CSMD1: variants seen among roughly 807,000 people sequenced by gnomAD.
CSMD1 encodes the protein CUB and Sushi multiple domains 1, also known as CUB and sushi domain-containing protein 1.
CSMD1 carries 213 observed loss-of-function variants against 417.5 expected under a neutral mutation model. That is an observed-to-expected ratio of 0.51 (90% confidence interval 0.46 to 0.57). CSMD1 has a LOEUF of 0.57. Ranked by LOEUF, CSMD1 falls within the 20% of genes least tolerant of loss-of-function variation. The probability of loss-of-function intolerance (pLI) is 0.00; values close to 1 mark genes in which losing one functional copy is unlikely to be tolerated. For missense variants in CSMD1, 6,923 were observed against 4,529.7 expected (o/e 1.53, Z -15.17); for synonymous variants, 2,862 against 1,736.8 (o/e 1.65, Z -16.11).
intron 12 of CSMD1, among the ~76,000 whole-genome samples, chr8:3,430,677 G>T (rs1875072): frequency 0.11 from 16,972 of 152,094 alleles, 1,086 homozygotes; most frequent in African/African-American, 0.16. Flanking sequence ...TGTGATGGCA[G>T]GTGCCTGTAA....
At chr8:2,999,854 C>T (rs77441949) in intron 53 of CSMD1, 104 bp downstream of exon 53, 21,465 of 990,678 alleles carry the variant, frequency 0.022, 254 homozygotes, top group Middle Eastern at 0.037. Flanking sequence ...TTTGCTGTTC[C>T]CTTTTACAGT....
intron 1 of CSMD1, among the ~76,000 whole-genome samples, chr8:4,955,257 C>G (rs146170822): frequency 7.5e-4 from 114 of 152,236 alleles, no homozygotes; most frequent in African/African-American, 2.6e-3. Flanking sequence ...GAAACACAGT[C>G]ATCCTTAAAA....
chr8:4,528,867 G>A (rs1205545043), intron 2 of CSMD1, among the ~76,000 whole-genome samples: 1 of 152,016 alleles, frequency 6.6e-6, no homozygotes, highest in East Asian at 1.9e-4. Context: ...AAAAGGTATA[G>A]TACTAAAAAT....
intron 12 of CSMD1, among the ~76,000 whole-genome samples, chr8:3,428,341 A>C (rs1039595486): frequency 1.3e-5 from 2 of 152,222 alleles, no homozygotes; most frequent in Non-Finnish European, 2.9e-5. Flanking sequence ...CAAGAGAAGC[A>C]TAACTCTTGC....
chr8:3,638,408 G>T (rs180810539), intron 7 of CSMD1, among the ~76,000 whole-genome samples: 1 of 151,876 alleles, frequency 6.6e-6, no homozygotes, highest in South Asian at 2.1e-4. Context: ...CTGAGAGAAA[G>T]GTCCTAGTTT....
At chr8:3,552,809 A>G (rs746989128) in intron 10 of CSMD1, among the ~76,000 whole-genome samples, 30 of 152,180 alleles carry the variant, frequency 2.0e-4, no homozygotes, top group Admixed American at 7.9e-4. Context: ...AACCATTTTC[A>G]TTAATTTTAA....
intron 1 of CSMD1, among the ~76,000 whole-genome samples, chr8:4,756,571 C>G (rs542043137): frequency 1.3e-5 from 2 of 152,190 alleles, no homozygotes; most frequent in Non-Finnish European, 2.9e-5. Context: ...TGAAATAGAG[C>G]ATGCGTTCTA....
At chr8:3,789,371 G>A (rs995351704) in intron 5 of CSMD1, among the ~76,000 whole-genome samples, 1 of 107,400 alleles carries the variant, frequency 9.3e-6, no homozygotes, top group African/African-American at 3.6e-5. Context: ...TATTGCTAGT[G>A]TTTTTTTTTT....
At chr8:3,666,893 G>T (rs569601607) in intron 7 of CSMD1, among the ~76,000 whole-genome samples, 3 of 152,248 alleles carry the variant, frequency 2.0e-5, no homozygotes, top group Non-Finnish European at 4.4e-5. Context: ...GCATGAAAAT[G>T]AACTATTACA....
chr8:4,220,597 G>T (rs751456688), intron 3 of CSMD1, among the ~76,000 whole-genome samples: 3 of 152,286 alleles, frequency 2.0e-5, no homozygotes, highest in African/African-American at 2.4e-5. Context: ...GAGTGATAAG[G>T]GTCCATGTGA....
At chr8:3,059,455 G>A (rs924677332) in intron 49 of CSMD1, among the ~76,000 whole-genome samples, 3 of 152,088 alleles carry the variant, frequency 2.0e-5, no homozygotes, top group African/African-American at 7.2e-5. Flanking sequence ...ATTGTCATGT[G>A]GGCTGTTTGT....
intron 3 of CSMD1, among the ~76,000 whole-genome samples, chr8:4,318,602 C>G (rs1055766713): frequency 1.3e-5 from 2 of 151,616 alleles, no homozygotes; most frequent in Non-Finnish European, 2.9e-5. Flanking sequence ...AAATGTTTAC[C>G]CTTATTGAAT....
At chr8:4,120,060 T>C (rs905717240) in intron 3 of CSMD1, among the ~76,000 whole-genome samples, 1 of 152,178 alleles carries the variant, frequency 6.6e-6, no homozygotes, top group Non-Finnish European at 1.5e-5. Flanking sequence ...AGAGTATAAT[T>C]GGATTATTTG....
chr8:4,719,517 C>G (rs1808913296), intron 1 of CSMD1, among the ~76,000 whole-genome samples: 1 of 151,558 alleles, frequency 6.6e-6, no homozygotes, highest in South Asian at 2.1e-4. Context: ...AGTCCCCACC[C>G]CCACCTACAA....
At position 3,893,339 on chromosome 8, in the gene CSMD1, T is replaced by TTATATATGTATATATATATA. The variant is rs1231999334; in HGVS notation, c.818+104563_818+104564insTATATATATATACATATATA. Among the ~76,000 whole-genome samples, 21 of 80,458 alleles carry TTATATATGTATATATATATA rather than the reference T, an allele frequency of 2.6e-4. 2 individuals are homozygous for TTATATATGTATATATATATA. Among genetic ancestry groups the TTATATATGTATATATATATA allele is most frequent in the Admixed American group, 1.6e-3 (10 of 6,070 alleles). The allele number at this position is 80,458 out of a possible 152,430, so 52.8% of individuals were successfully genotyped here. A position where few individuals can be genotyped will look rare whatever the true frequency, so the allele number is the denominator to read the frequency against. ...TCCCAAACTAATAATATTCACAATT[T>TTATATATGTATATATATATA]TATATATATATATATATATATATTA... On this transcript the variant is annotated intron_variant, in intron 5 of 69. Coordinates refer to ENST00000635120, the MANE Select transcript of CSMD1 (RefSeq NM_033225.6).
chr8:2,948,741 T>G (rs1374352469), intron 68 of CSMD1, among the ~76,000 whole-genome samples: 1 of 152,242 alleles, frequency 6.6e-6, no homozygotes, highest in East Asian at 1.9e-4. Context: ...TTAAAAATTC[T>G]AGACAGAAAA....
chr8:3,833,280 C>A (rs764666970), intron 5 of CSMD1, among the ~76,000 whole-genome samples: 15 of 152,196 alleles, frequency 9.9e-5, no homozygotes, highest in Admixed American at 3.9e-4. Context: ...CATTACAACA[C>A]TGATATCTGT....
At chr8:4,209,727 C>A (rs570934601) in intron 3 of CSMD1, among the ~76,000 whole-genome samples, 1 of 152,166 alleles carries the variant, frequency 6.6e-6, no homozygotes, top group Non-Finnish European at 1.5e-5. Flanking sequence ...TGAAGCAGCA[C>A]CAGATGTCCT....
chr8:3,602,296 TTC>T (rs1801401510), intron 8 of CSMD1, among the ~76,000 whole-genome samples: 1 of 152,006 alleles, frequency 6.6e-6, no homozygotes, highest in South Asian at 2.1e-4. Flanking sequence ...CCAGATCACT[TTC>T]TCTCTAGGGC....
Sources: gnomAD v4.1 joint callset for allele counts (sites outside exome capture counted in the v4.1 genomes callset) on GRCh38, gnomAD v4.1.1 for gene constraint, MANE v1.5 for transcripts, NCBI Gene and HGNC (gene_info 2026-07-23, HGNC 2026-07-21) for gene names.